GET3: variants seen among roughly 807,000 people sequenced by gnomAD.
GET3 encodes the protein ATPase GET3.
GET3 carries 15 observed loss-of-function variants against 32.4 expected under a neutral mutation model. The ratio of observed to expected loss-of-function variants is 0.46; its 90% CI spans 0.31 to 0.71. The LOEUF is 0.71. Among genes scored for constraint, GET3 ranks in the 30% least tolerant of loss-of-function variants. GET3 has a pLI of 0.05. For synonymous variants in GET3, 198 were observed against 185.6 expected (o/e 1.07, Z -0.54); for missense variants, 333 against 459.0 (o/e 0.73, Z 2.51).
At position 12,738,556 on chromosome 19, in the gene GET3, G is replaced by C; in HGVS notation, c.207G>C (p.Leu69=). The change falls in exon 2 of 7, where the codon CTG becomes CTC. Residue 69 remains leucine (L), a synonymous_variant. Transcript: ENST00000357332. ...VQLSKGRESV[L]IISTDPAHNI... is the part of the protein sequence containing the mutation. ...TCTCCAAGGGGCGTGAGAGTGTTCT[G>C]ATCATCTCCACAGACCCAGCACACA... The C allele has an allele frequency of 7.4e-6, 12 of 1,614,134 alleles. No homozygotes were observed. The highest frequency in any genetic ancestry group is 1.0e-5 in the Non-Finnish European group (12 of 1,180,024).
chr19:12,745,761 C>T lies in GET3; in HGVS notation c.609+2C>T. ...CAGATCAGCCCTTTCATCTCACAGGCAGGCGGCGGGGGCCCCCACCTGCAC... is the reference window on the plus strand; with the variant it reads ...CAGATCAGCCCTTTCATCTCACAGGTAGGCGGCGGGGGCCCCCACCTGCAC... On this transcript the variant is annotated splice_donor_variant, in intron 4 of 6. Coordinates refer to ENST00000357332, the MANE Select transcript of GET3 (RefSeq NM_004317.4). LOFTEE classifies it low-confidence loss of function (GC_TO_GT_DONOR). The surrounding 1 kb of genome is among the most constrained non-coding windows in gnomAD (Gnocchi z 5.0). 6.2e-7 allele frequency: 1 copy of T among 1,602,346 alleles called. No individual in the cohort carries two copies. Among genetic ancestry groups the T allele is most frequent in the Non-Finnish European group, 8.5e-7 (1 of 1,174,904 alleles).
intron 2 of GET3, among the ~76,000 whole-genome samples, chr19:12,739,761 G>A (rs1271979436): frequency 2.0e-5 from 3 of 152,052 alleles, no homozygotes; most frequent in Admixed American, 1.3e-4. Context: ...AGCTGTGTGA[G>A]GGCTGGGCAT....
Position 12,745,478 on chromosome 19 carries a change from C to T in GET3, c.411C>T (p.Ser137=), listed in dbSNP as rs1250520963. 1.2e-6 allele frequency: 2 copies of T among 1,613,184 alleles called. No homozygotes were observed. The highest frequency in any genetic ancestry group is 1.7e-6 in the Non-Finnish European group (2 of 1,180,014). Residue 137 remains serine (S), a synonymous_variant, in exon 3 of 7, where the codon AGC becomes AGT. Transcript: ENST00000357332. The surrounding 1 kb of genome is among the most constrained non-coding windows in gnomAD (Gnocchi z 5.0). The part of the protein sequence containing the change: ...MGKKMMQEAM[S]AFPGIDEAMS... ...AGAAGATGATGCAGGAGGCCATGAGCGCATTTCCCGGCATCGATGAGGCCA... is the reference window on the plus strand; with the variant it reads ...AGAAGATGATGCAGGAGGCCATGAGTGCATTTCCCGGCATCGATGAGGCCA...
Sources: allele counts gnomAD v4.1 joint callset (sites outside exome capture counted in the v4.1 genomes callset), GRCh38; gene constraint gnomAD v4.1.1; non-coding constraint Gnocchi (gnomAD v3.1); transcripts MANE v1.5; gene names NCBI Gene and HGNC (gene_info 2026-07-23, HGNC 2026-07-21).